The following BANP variants were observed in gnomAD, a reference collection of about 807,000 sequenced individuals.
BANP encodes BTG3 associated nuclear protein.
BANP carries 11 observed loss-of-function variants against 68.1 expected under a neutral mutation model. That is an observed-to-expected ratio of 0.16 (90% CI 0.10 to 0.27). The LOEUF is 0.27. BANP is among the 10% of genes least tolerant of loss of function. The pLI is 1.00. For synonymous variants in BANP, 329 were observed against 303.2 expected (o/e 1.09, Z -0.88); for missense variants, 504 against 722.7 (o/e 0.70, Z 3.47).
chr16:88,023,740 A>G (rs949071494), intron 7 of BANP, among the ~76,000 whole-genome samples: 5 of 152,238 alleles, frequency 3.3e-5, no homozygotes, highest in African/African-American at 1.2e-4. Flanking sequence ...CACCAGAGTC[A>G]GTAACGGGGG....
At chr16:88,042,202 G>A (rs925703544) in intron 11 of BANP, among the ~76,000 whole-genome samples, 4 of 152,242 alleles carry the variant, frequency 2.6e-5, no homozygotes, top group African/African-American at 9.6e-5. Context: ...AGCAGTAGCG[G>A]ATGGTGCATC....
At chr16:88,061,384 G>T (rs2086740486) in intron 11 of BANP, among the ~76,000 whole-genome samples, 2 of 152,258 alleles carry the variant, frequency 1.3e-5, no homozygotes, top group African/African-American at 4.8e-5. Context: ...AAGCTTGTGT[G>T]TGCTGTTTCT....
intron 11 of BANP, among the ~76,000 whole-genome samples, chr16:88,046,245 T>TGA (rs60452016): frequency 6.6e-6 from 1 of 152,366 alleles, no homozygotes; most frequent in African/African-American, 2.4e-5. Flanking sequence ...TGTGTGTGTG[T>TGA]GATTTTAGAG....
At chr16:87,955,162 C>G (rs538870738) in intron 1 of BANP, among the ~76,000 whole-genome samples, 2 of 152,204 alleles carry the variant, frequency 1.3e-5, no homozygotes, top group Non-Finnish European at 2.9e-5. Context: ...GGTGAGCGTA[C>G]TGGGAGCATG....
In BANP at chr16:88,003,784, A is replaced by C. The variant is rs940148059; in HGVS notation, c.363-511A>C. The C allele has an allele frequency of 3.2e-6, 1 of 315,208 alleles. No homozygotes were observed. The highest frequency in any genetic ancestry group is 6.2e-6 in the Non-Finnish European group (1 of 161,354). The allele number at this position is 315,208 out of a possible 1,614,324, so 19.5% of individuals were successfully genotyped here. Reference sequence around the variant, plus strand: ...TGTGTGTCCTTCCATCCCAAGTCCAACGTGATGTTTGCCCCTTTCTTTCCA... The same window carrying C: ...TGTGTGTCCTTCCATCCCAAGTCCACCGTGATGTTTGCCCCTTTCTTTCCA... On this transcript the variant is annotated intron_variant, in intron 4 of 13. Transcript: ENST00000682872. The surrounding 1 kb of genome is among the most constrained non-coding windows in gnomAD (Gnocchi z 6.1).
chr16:88,009,132 C>G (rs990581480), intron 6 of BANP, among the ~76,000 whole-genome samples: 2 of 152,204 alleles, frequency 1.3e-5, no homozygotes, highest in African/African-American at 4.8e-5. Flanking sequence ...GTAGTGGCGT[C>G]CTCTCTTCAG....
In BANP at chr16:87,957,835, A is replaced by G. The variant is rs1324274034; in HGVS notation, c.-69+6320A>G. Among the ~76,000 whole-genome samples the G allele has an allele frequency of 6.6e-6, 1 of 151,926 alleles. No individual in the cohort carries two copies. Among genetic ancestry groups the G allele is most frequent in the African/African-American group, 2.4e-5 (1 of 41,366 alleles). ...CCACGGTCCCTGCTGTCATCATGGC[A>G]TGCTGCAAGCTCTGTGGGCGCTGGT... is the stretch of plus-strand genomic sequence containing the variant. On this transcript the variant is annotated intron_variant, in intron 1 of 13. Coordinates refer to ENST00000682872, the MANE Select transcript of BANP (RefSeq NM_001386991.1). The surrounding 1 kb of genome is among the most constrained non-coding windows in gnomAD (Gnocchi z 4.3).
intron 9 of BANP, among the ~76,000 whole-genome samples, chr16:88,034,813 C>T (rs1298584477): frequency 1.8e-5 from 1 of 56,690 alleles, no homozygotes; most frequent in Admixed American, 1.5e-4. Context: ...TACACAGCAG[C>T]CCCCCCTTAC....
chr16:87,992,161 C>T (rs1008522072), intron 4 of BANP, among the ~76,000 whole-genome samples: 4 of 152,142 alleles, frequency 2.6e-5, no homozygotes, highest in South Asian at 2.1e-4. Context: ...AAGTGAATTA[C>T]GTCGATTTCG....
intron 7 of BANP, among the ~76,000 whole-genome samples, chr16:88,025,589 CACAG>C (rs1215498974): frequency 6.6e-6 from 1 of 152,166 alleles, no homozygotes; most frequent in Non-Finnish European, 1.5e-5. Flanking sequence ...TTGTCTGCAG[CACAG>C]ACAGGTTGGT....
At chr16:87,991,903 T>C (rs1490241209) in intron 4 of BANP, among the ~76,000 whole-genome samples, 1 of 152,258 alleles carries the variant, frequency 6.6e-6, no homozygotes, top group Admixed American at 6.5e-5. Context: ...TATTTCAGTG[T>C]ATTTTCTTTA....
intron 4 of BANP, among the ~76,000 whole-genome samples, chr16:87,989,443 A>G (rs12932844): frequency 0.027 from 4,134 of 152,352 alleles, 85 homozygotes; most frequent in Non-Finnish European, 0.046. Context: ...TCACGTTTAT[A>G]TAGGTAAATG....
Position 87,988,649 on chromosome 16 carries a change from C to T in BANP, c.362+4390C>T, listed in dbSNP as rs564791833. 3.9e-5 allele frequency among the ~76,000 whole-genome samples: 6 copies of T among 152,248 alleles called. No individual in the cohort carries two copies. In the South Asian group the frequency reaches 8.3e-4, roughly 21 times the overall value. On this transcript the variant is annotated intron_variant, in intron 4 of 13. Transcript: ENST00000682872. ...CAAATCATATGCTGTTAAAATAGCC[C>T]GGGGTTCCCAGGGCTCACTCCTTGC...
At chr16:88,044,141 C>T (rs576230991) in intron 11 of BANP, among the ~76,000 whole-genome samples, 2 of 152,236 alleles carry the variant, frequency 1.3e-5, no homozygotes, top group African/African-American at 4.8e-5. Context: ...TGGGCAGACT[C>T]CCTATAAAGG....
chr16:87,964,311 A>C (rs932263257), intron 1 of BANP, among the ~76,000 whole-genome samples: 2 of 152,258 alleles, frequency 1.3e-5, no homozygotes, highest in Admixed American at 6.5e-5. Context: ...AGCCATGCCA[A>C]TTCCTGCCCT....
chr16:88,069,967 C>G (rs989297523), intron 12 of BANP, among the ~76,000 whole-genome samples: 3 of 152,168 alleles, frequency 2.0e-5, no homozygotes, highest in African/African-American at 7.2e-5. Context: ...CTCTTCCCCC[C>G]AGCCCCAGTC....
chr16:88,056,197 T>G (rs2084960446), intron 11 of BANP, among the ~76,000 whole-genome samples: 1 of 152,246 alleles, frequency 6.6e-6, no homozygotes, highest in South Asian at 2.1e-4. Context: ...CAGAGTGTTC[T>G]GAGAGTGTGG....
upstream of BANP, chr16:87,949,494 A>C (rs544456784): frequency 6.6e-6 from 1 of 152,054 alleles, no homozygotes; most frequent in Non-Finnish European, 1.5e-5. Flanking sequence ...TGGACTCCAC[A>C]CTCTAAGCAA....
chr16:88,034,734 A>G (rs1309557253), intron 9 of BANP, among the ~76,000 whole-genome samples: 2 of 152,214 alleles, frequency 1.3e-5, no homozygotes, highest in African/African-American at 2.4e-5. Flanking sequence ...GTTTAGTAAC[A>G]TTTAAAGATG....
Sources: gnomAD v4.1 joint callset for allele counts (sites outside exome capture counted in the v4.1 genomes callset) on GRCh38, gnomAD v4.1.1 for gene constraint, Gnocchi (gnomAD v3.1) non-coding constraint, MANE v1.5 for transcripts, NCBI Gene and HGNC (gene_info 2026-07-23, HGNC 2026-07-21) for gene names.